DLEU7: variants seen among roughly 807,000 people sequenced by gnomAD.
DLEU7 encodes the protein leukemia-associated protein 7.
In DLEU7, 17 loss-of-function variants were observed where a neutral mutation model predicts 16.0. That is an observed-to-expected ratio of 1.06 (90% CI 0.73 to 1.59). The LOEUF is 1.59. DLEU7 is among the 40% of genes most tolerant of loss of function. DLEU7 has a pLI of 0.00. For missense variants in DLEU7, 308 were observed against 314.9 expected (o/e 0.98, Z 0.17); for synonymous variants, 113 against 139.8 (o/e 0.81, Z 1.35).
intron 1 of DLEU7, among the ~76,000 whole-genome samples, chr13:50,747,332 C>CCG (rs71190386): frequency 7.3e-6 from 1 of 137,706 alleles, no homozygotes; most frequent in Non-Finnish European, 1.6e-5. Flanking sequence ...AAGAAAAACT[C>CCG]TGTGTGTGTG....
In DLEU7 at chr13:50,843,308, G is replaced by T; in HGVS notation, c.339C>A (p.Ala113=). Residue 113 remains alanine (A), a synonymous_variant, in exon 1 of 2, where the codon GCC becomes GCA. Coordinates refer to ENST00000504404, the MANE Select transcript of DLEU7 (RefSeq NM_001306135.2). This position sits in a 1 kb window ranked among gnomAD's most constrained non-coding sequence, Gnocchi z 5.7. The part of the protein sequence containing the change: ...FPRDRGPCTL[A]QMAMRSALAR... ...CCAGCGCGCTGCGCATCGCCATCTG[G>T]GCCAGGGTGCAGGGCCCGCGGTCCC... 3 of 1,542,486 alleles carry T rather than the reference G, an allele frequency of 1.9e-6. No individual in the cohort carries two copies. The highest frequency in any genetic ancestry group is 2.6e-6 in the Non-Finnish European group (3 of 1,145,108).
intron 1 of DLEU7, among the ~76,000 whole-genome samples, chr13:50,771,981 G>A (rs1027545292): frequency 1.3e-5 from 2 of 152,146 alleles, no homozygotes; most frequent in Non-Finnish European, 2.9e-5. Flanking sequence ...AGGATAGTTA[G>A]CGCTTCTTGT....
At chr13:50,823,671 A>T (rs748892856) in intron 1 of DLEU7, among the ~76,000 whole-genome samples, 151 bp from the exon 2 acceptor site, 34 of 151,834 alleles carry the variant, frequency 2.2e-4, no homozygotes, top group Non-Finnish European at 4.3e-4. Flanking sequence ...TTCTTAGCCT[A>T]TGCAGTTGGA....
chr13:50,739,465 G>A (rs1359678876), intron 1 of DLEU7, among the ~76,000 whole-genome samples: 4 of 152,172 alleles, frequency 2.6e-5, no homozygotes, highest in African/African-American at 7.2e-5. Context: ...GAATGGAGAT[G>A]AAGGCAAATG....
chr13:50,789,925 C>T (rs1875902215), intron 1 of DLEU7, among the ~76,000 whole-genome samples: 1 of 143,434 alleles, frequency 7.0e-6, no homozygotes, highest in African/African-American at 2.6e-5. Flanking sequence ...TTTTCTCTTT[C>T]TTTCTTTCTT....
chr13:50,740,239 A>G (rs1874215693), intron 1 of DLEU7, among the ~76,000 whole-genome samples: 1 of 152,222 alleles, frequency 6.6e-6, no homozygotes, highest in South Asian at 2.1e-4. Context: ...CGGTATGCAC[A>G]ACAACCTCAA....
At chr13:50,835,966 T>C (rs1435130308) in intron 1 of DLEU7, among the ~76,000 whole-genome samples, 2 of 152,172 alleles carry the variant, frequency 1.3e-5, no homozygotes, top group East Asian at 1.9e-4. Flanking sequence ...CCAACACCAG[T>C]GGATAATAAA....
At chr13:50,787,859 G>A (rs888058397) in intron 1 of DLEU7, among the ~76,000 whole-genome samples, 1 of 151,934 alleles carries the variant, frequency 6.6e-6, no homozygotes, top group Admixed American at 6.6e-5. Context: ...CCAGCTCAGC[G>A]CCTTCCCTCT....
intron 1 of DLEU7, among the ~76,000 whole-genome samples, chr13:50,740,451 T>G (rs1157063646): frequency 6.6e-6 from 1 of 152,316 alleles, no homozygotes; most frequent in East Asian, 1.9e-4. Flanking sequence ...AATTAGGATA[T>G]TAGACTAATG....
chr13:50,783,183 T>C (rs1338296727), intron 1 of DLEU7, among the ~76,000 whole-genome samples: 2 of 152,228 alleles, frequency 1.3e-5, no homozygotes, highest in Non-Finnish European at 1.5e-5. Flanking sequence ...TGAGCTCCCA[T>C]TGCTCACAGC....
intron 1 of DLEU7, among the ~76,000 whole-genome samples, chr13:50,831,541 T>C (rs1160682511): frequency 6.6e-6 from 1 of 152,084 alleles, no homozygotes; most frequent in Non-Finnish European, 1.5e-5. Flanking sequence ...GTGTTGAATA[T>C]GAGGACATGA....
At chr13:50,725,818 ATTTT>A (rs555169790) in intron 1 of DLEU7, among the ~76,000 whole-genome samples, 1 of 150,020 alleles carries the variant, frequency 6.7e-6, no homozygotes, top group South Asian at 2.1e-4. Context: ...CAACCAGTGG[ATTTT>A]TTTTTTATTT....
chr13:50,801,707 C>T (rs1354348286), intron 1 of DLEU7, among the ~76,000 whole-genome samples: 1 of 152,014 alleles, frequency 6.6e-6, no homozygotes, highest in Non-Finnish European at 1.5e-5. Flanking sequence ...GAGACCTCAG[C>T]GCGCCCTTGT....
intron 1 of DLEU7, among the ~76,000 whole-genome samples, chr13:50,815,688 G>A (rs1047385513): frequency 2.0e-5 from 3 of 152,074 alleles, no homozygotes; most frequent in Non-Finnish European, 4.4e-5. Context: ...CTGTCCCACA[G>A]GCCCACTTAT....
At chr13:50,772,062 T>C (rs1397904119) in intron 1 of DLEU7, among the ~76,000 whole-genome samples, 1 of 152,198 alleles carries the variant, frequency 6.6e-6, no homozygotes, top group African/African-American at 2.4e-5. Context: ...TTAAAGTCTG[T>C]TTTATCAGAG....
At chr13:50,778,128 T>TG (rs1161705949) in intron 1 of DLEU7, among the ~76,000 whole-genome samples, 3 of 152,068 alleles carry the variant, frequency 2.0e-5, no homozygotes, top group African/African-American at 7.2e-5. Context: ...AAGCATGACT[T>TG]GGGGGTCTCA....
chr13:50,831,586 C>T (rs1215542076), intron 1 of DLEU7, among the ~76,000 whole-genome samples: 1 of 152,032 alleles, frequency 6.6e-6, no homozygotes, highest in Non-Finnish European at 1.5e-5. Flanking sequence ...GAGTAAAGTC[C>T]CTGAACACTT....
chr13:50,809,658 C>G (rs1876502943), intron 1 of DLEU7, among the ~76,000 whole-genome samples: 1 of 152,068 alleles, frequency 6.6e-6, no homozygotes, highest in East Asian at 1.9e-4. Context: ...AAGGCTGTAA[C>G]CCAAGATGGA....
intron 1 of DLEU7, among the ~76,000 whole-genome samples, chr13:50,842,013 G>A (rs1479497069): frequency 6.6e-6 from 1 of 151,544 alleles, no homozygotes; most frequent in Admixed American, 6.6e-5. Flanking sequence ...GGAATATGCT[G>A]CTGGCATCTA....
Sources: gnomAD v4.1 joint callset for allele counts (sites outside exome capture counted in the v4.1 genomes callset) on GRCh38, gnomAD v4.1.1 for gene constraint, Gnocchi (gnomAD v3.1) non-coding constraint, MANE v1.5 for transcripts, NCBI Gene and HGNC (gene_info 2026-07-23, HGNC 2026-07-21) for gene names.